Variants in GRID2 observed in about 807,000 individuals in gnomAD.
The protein encoded by GRID2 is glutamate receptor ionotropic, delta-2.
Under a neutral mutation model 114.8 loss-of-function variants are expected in GRID2, and 33 were observed. That is an observed-to-expected ratio of 0.29 (90% confidence interval 0.22 to 0.38). GRID2 has a LOEUF of 0.38. Among genes scored for constraint, GRID2 ranks in the 10% least tolerant of loss-of-function variants. The pLI, the probability that GRID2 is intolerant of heterozygous loss-of-function variation, is 1.00. For synonymous variants in GRID2, 505 were observed against 449.9 expected, an observed-to-expected ratio of 1.12 and a Z score of -1.55; for missense variants, 1,184 against 1,257.7, an observed-to-expected ratio of 0.94 and a Z score of 0.89.
rs180764849 is a variant in GRID2 at position 93,598,553 on chromosome 4, C to T, written c.2194-27716C>T. Among the ~76,000 whole-genome samples, 13 of 152,204 alleles carry T rather than the reference C, an allele frequency of 8.5e-5. No homozygotes were observed. In the East Asian group the frequency reaches 2.5e-3, roughly 29 times the overall value. On this transcript the variant is annotated intron_variant, in intron 13 of 15. Transcript: ENST00000282020. ...GGTTGTTGCTCTCGTTTCTTTTCAA[C>T]CAAATTTATTCTGATTAATCTTACT...
intron 3 of GRID2, among the ~76,000 whole-genome samples, chr4:93,098,713 G>C (rs2149337565): frequency 6.6e-6 from 1 of 151,902 alleles, no homozygotes; most frequent in Non-Finnish European, 1.5e-5. Context: ...TCCTTGCCTA[G>C]TAACAATAAC....
intron 2 of GRID2, among the ~76,000 whole-genome samples, chr4:92,921,654 G>A (rs1050878472): frequency 1.3e-5 from 2 of 152,172 alleles, no homozygotes; most frequent in Non-Finnish European, 2.9e-5. Flanking sequence ...GGAGGCTGCA[G>A]AACAGCGGCT....
At chr4:92,356,269 A>C (rs1011298603) in intron 1 of GRID2, among the ~76,000 whole-genome samples, 1 of 151,512 alleles carries the variant, frequency 6.6e-6, no homozygotes, top group Non-Finnish European at 1.5e-5. Context: ...TTGATGCAAA[A>C]TTTAAAATTC....
chr4:92,348,422 A>T (rs1445995266), intron 1 of GRID2, among the ~76,000 whole-genome samples: 2 of 152,226 alleles, frequency 1.3e-5, no homozygotes, highest in Non-Finnish European at 2.9e-5. Context: ...CACAGAAAGA[A>T]CAATGATATG....
chr4:92,704,067 G>A (rs1409134415), intron 2 of GRID2, among the ~76,000 whole-genome samples: 1 of 152,052 alleles, frequency 6.6e-6, no homozygotes, highest in Non-Finnish European at 1.5e-5. Flanking sequence ...ACGAGGTCAG[G>A]AGATCGACAC....
chr4:92,575,622 G>A (rs558572544), intron 1 of GRID2, among the ~76,000 whole-genome samples: 20 of 152,292 alleles, frequency 1.3e-4, no homozygotes, highest in Admixed American at 1.2e-3. Context: ...AACAGTAAAG[G>A]CTGCAAAACA....
intron 2 of GRID2, among the ~76,000 whole-genome samples, chr4:93,025,296 A>T (rs759906690): frequency 4.0e-5 from 6 of 151,812 alleles, no homozygotes; most frequent in Non-Finnish European, 7.4e-5. Context: ...CAGATGTATC[A>T]TGTTTATATT....
chr4:92,381,835 G>C (rs1729635411), intron 1 of GRID2, among the ~76,000 whole-genome samples: 1 of 151,880 alleles, frequency 6.6e-6, no homozygotes, highest in African/African-American at 2.4e-5. Flanking sequence ...CTACCCTGTG[G>C]TTTTAATTTT....
At chr4:93,524,501 T>C (rs528862861) in intron 13 of GRID2, among the ~76,000 whole-genome samples, 50 of 151,970 alleles carry the variant, frequency 3.3e-4, no homozygotes, top group African/African-American at 1.2e-3. Context: ...AATAGTAGAG[T>C]TGGATTTTTT....
chr4:92,732,565 T>C (rs766600166), intron 2 of GRID2, among the ~76,000 whole-genome samples: 2 of 152,028 alleles, frequency 1.3e-5, no homozygotes, highest in Non-Finnish European at 2.9e-5. Context: ...ACTCCACTTA[T>C]TGTGGTAAGT....
intron 10 of GRID2, among the ~76,000 whole-genome samples, chr4:93,438,857 G>A (rs994898123): frequency 4.2e-4 from 50 of 119,710 alleles, no homozygotes; most frequent in Non-Finnish European, 6.2e-4. Context: ...AATAGTCCCC[G>A]GAGTGTGATG....
At chr4:92,831,029 A>C (rs1742065182) in intron 2 of GRID2, among the ~76,000 whole-genome samples, 1 of 152,158 alleles carries the variant, frequency 6.6e-6, no homozygotes, top group Non-Finnish European at 1.5e-5. Context: ...ATTGCCTGAC[A>C]TTTAAACTGA....
chr4:93,141,946 A>G (rs1485363767), intron 4 of GRID2, among the ~76,000 whole-genome samples: 2 of 152,204 alleles, frequency 1.3e-5, no homozygotes, highest in African/African-American at 4.8e-5. Flanking sequence ...GTGGTTTAAT[A>G]TTTAAAACAA....
chr4:92,901,913 C>T (rs1301295837), intron 2 of GRID2, among the ~76,000 whole-genome samples: 1 of 151,732 alleles, frequency 6.6e-6, no homozygotes, highest in Admixed American at 6.6e-5. Context: ...CTTTACTGCT[C>T]AATTTTCAAG....
intron 2 of GRID2, among the ~76,000 whole-genome samples, chr4:93,065,955 T>A (rs141001605): frequency 5.5e-4 from 83 of 152,046 alleles, no homozygotes; most frequent in Non-Finnish European, 9.1e-4. Context: ...CTCTAAGATA[T>A]ACTAACTCAT....
chr4:92,417,883 A>G (rs1479125936), intron 1 of GRID2, among the ~76,000 whole-genome samples: 2 of 152,118 alleles, frequency 1.3e-5, no homozygotes, highest in Non-Finnish European at 2.9e-5. Context: ...TGACGGTTTT[A>G]TAAATGGGAT....
chr4:92,778,376 A>G (rs1738907140), intron 2 of GRID2, among the ~76,000 whole-genome samples: 1 of 152,016 alleles, frequency 6.6e-6, no homozygotes, highest in African/African-American at 2.4e-5. Context: ...CTTCAGAGCA[A>G]TTTGTATGAT....
chr4:93,793,239 C>A (rs1734731633), intron 1 of GRID2, among the ~76,000 whole-genome samples: 1 of 152,130 alleles, frequency 6.6e-6, no homozygotes, highest in Non-Finnish European at 1.5e-5. Context: ...GATGGATCCA[C>A]ATACAAAAGC....
At chr4:92,933,846 C>T (rs189209555) in intron 2 of GRID2, among the ~76,000 whole-genome samples, 1 of 151,514 alleles carries the variant, frequency 6.6e-6, no homozygotes, top group East Asian at 1.9e-4. Flanking sequence ...CCTATTTTCT[C>T]GGAAATGGAA....
Sources: allele counts gnomAD v4.1 joint callset (sites outside exome capture counted in the v4.1 genomes callset), GRCh38; gene constraint gnomAD v4.1.1; transcripts MANE v1.5; gene names NCBI Gene and HGNC (gene_info 2026-07-23, HGNC 2026-07-21).